Variants in SHANK2 observed in about 807,000 individuals in gnomAD.
SHANK2 encodes the protein SH3 and multiple ankyrin repeat domains protein 2.
In SHANK2, 43 loss-of-function variants were observed where a neutral mutation model predicts 133.7. The observed-to-expected ratio is 0.32, with a 90% CI of 0.25 to 0.41. The LOEUF (loss-of-function observed/expected upper bound fraction) is 0.41, where lower values mean the gene tolerates loss of function less well. Ranked by LOEUF, SHANK2 falls within the 10% of genes least tolerant of loss-of-function variation. SHANK2 has a pLI of 1.00. For missense variants in SHANK2, 1,994 were observed against 2,235.8 expected (o/e 0.89, Z 2.18); for synonymous variants, 1,017 against 952.8 (o/e 1.07, Z -1.24).
At chr11:71,059,083 G>A (rs1950956836) in intron 9 of SHANK2, among the ~76,000 whole-genome samples, 1 of 152,216 alleles carries the variant, frequency 6.6e-6, no homozygotes, top group Non-Finnish European at 1.5e-5. Context: ...TGGGTGCGGT[G>A]GCAGGTGCCT....
rs1555055739 is a variant in SHANK2, at chr11:70,820,645, C to T, written c.1212G>A (p.Arg404=). The change falls in exon 12 of 26, where the codon CGG becomes CGA. Residue 404 remains arginine, a synonymous_variant. Coordinates refer to ENST00000601538, the MANE Select transcript of SHANK2 (RefSeq NM_012309.5). ...FREAPAYSNR[R]RRPPNTLAAP... ...CGGCCAGCGTGTTGGGGGGCCGCCGCCGGCGGTTGGAGTACGCCGGGGCCT... is the reference window on the plus strand; with the variant it reads ...CGGCCAGCGTGTTGGGGGGCCGCCGTCGGCGGTTGGAGTACGCCGGGGCCT... 2 of 706,960 alleles carry T rather than the reference C, an allele frequency of 2.8e-6. No individual in the cohort carries two copies. Among genetic ancestry groups the T allele is most frequent in the South Asian group, 3.0e-5 (2 of 66,584 alleles). The allele number at this position is 706,960 out of a possible 1,614,324, so 43.8% of individuals were successfully genotyped here. A position where few individuals can be genotyped will look rare whatever the true frequency, so the allele number is the denominator to read the frequency against.
intron 14 of SHANK2, among the ~76,000 whole-genome samples, chr11:70,766,141 C>A (rs1947118312): frequency 6.6e-6 from 1 of 152,226 alleles, no homozygotes; most frequent in Non-Finnish European, 1.5e-5. Flanking sequence ...TTTTCTTGAA[C>A]CTTTCGCTCT....
intron 2 of SHANK2, among the ~76,000 whole-genome samples, chr11:71,181,345 C>T (rs1953551328): frequency 1.3e-5 from 2 of 152,210 alleles, no homozygotes; most frequent in South Asian, 4.2e-4. Context: ...TTAAGAATGG[C>T]AATGACAGCT....
rs73523874 is a variant in SHANK2 at position 70,641,017 on chromosome 11, A to G, written c.2061+18811T>C. On this transcript the variant is annotated intron_variant, in intron 17 of 25. Transcript: ENST00000601538. ...CTGCCTGGCATCCCTCCCTGATGAA[A>G]AATAACAATAGATCGTGTACAGAAT... is the stretch of plus-strand genomic sequence containing the variant. 3.0e-3 allele frequency among the ~76,000 whole-genome samples: 456 copies of G among 152,306 alleles called. 3 individuals carry two copies. The highest frequency in any genetic ancestry group is 0.011 in the African/African-American group (443 of 41,568).
At chr11:70,818,059 T>C (rs573903518) in intron 12 of SHANK2, among the ~76,000 whole-genome samples, 4 of 152,246 alleles carry the variant, frequency 2.6e-5, no homozygotes, top group East Asian at 3.9e-4. Context: ...TGACAAAGAT[T>C]AGGCAGATTG....
intron 14 of SHANK2, among the ~76,000 whole-genome samples, chr11:70,719,532 G>A (rs1294412813): frequency 6.6e-6 from 1 of 152,126 alleles, no homozygotes; most frequent in East Asian, 1.9e-4. Context: ...GTGGAGGGGT[G>A]CAGAACCCTG....
At chr11:70,713,510 C>T (rs781938288) in intron 14 of SHANK2, among the ~76,000 whole-genome samples, 3 of 152,178 alleles carry the variant, frequency 2.0e-5, no homozygotes, top group African/African-American at 4.8e-5. Context: ...ATGTACGGAG[C>T]CGAGGGGGAG....
chr11:70,579,692 G>C (rs1554984979), intron 17 of SHANK2, among the ~76,000 whole-genome samples: 1 of 152,240 alleles, frequency 6.6e-6, no homozygotes, highest in Non-Finnish European at 1.5e-5. Flanking sequence ...AGCCACGGCT[G>C]CAAGATGTCT....
At chr11:70,811,382 C>T (rs1436322884) in intron 12 of SHANK2, among the ~76,000 whole-genome samples, 4 of 152,188 alleles carry the variant, frequency 2.6e-5, no homozygotes, top group African/African-American at 9.6e-5. Context: ...CCCCACTGTG[C>T]ATCCTCAACA....
At chr11:70,695,511 TACC>T (rs1482397752) in intron 15 of SHANK2, among the ~76,000 whole-genome samples, 1 of 152,194 alleles carries the variant, frequency 6.6e-6, no homozygotes, top group Non-Finnish European at 1.5e-5. Flanking sequence ...TGCTGACTGT[TACC>T]ACAAGAAACA....
At chr11:71,073,142 C>CTTTTATTTTTTTTTTTTTTTT (rs1951165821) in intron 9 of SHANK2, among the ~76,000 whole-genome samples, 1 of 41,092 alleles carries the variant, frequency 2.4e-5, no homozygotes, top group Non-Finnish European at 9.0e-5. Flanking sequence ...TTTTCTTTTT[C>CTTTTATTTTTTTTTTTTTTTT]TTTTCTTTTT....
chr11:70,584,002 G>A (rs1250877410), intron 17 of SHANK2, among the ~76,000 whole-genome samples: 3 of 152,084 alleles, frequency 2.0e-5, no homozygotes, highest in South Asian at 2.1e-4. Flanking sequence ...CCTGACCACC[G>A]TGCATGACTC....
At chr11:70,545,474 G>A (rs933947950) in intron 17 of SHANK2, among the ~76,000 whole-genome samples, 18 of 152,070 alleles carry the variant, frequency 1.2e-4, no homozygotes, top group African/African-American at 4.3e-4. Flanking sequence ...GCCCACCTCA[G>A]CGCCCACTGC....
Position 70,659,888 on chromosome 11 carries a change from G to A in SHANK2, c.2001C>T (p.Ser667=), listed in dbSNP as rs199845489. 1.2e-4 allele frequency: 191 copies of A among 1,614,134 alleles called. No individual in the cohort carries two copies. The highest frequency in any genetic ancestry group is 1.5e-4 in the Non-Finnish European group (176 of 1,180,026). ...PAFPALQYLE[S]VDEGGVAWQA... The stretch of plus-strand genomic sequence containing the variant: ...GCCACGCCACCCCACCTTCATCCAC[G>A]GACTCCAGGTACTGTAGGGCTGGGA... Residue 667 remains serine (S), a synonymous_variant, in exon 17 of 26, where the codon TCC becomes TCT. Transcript: ENST00000601538.
intron 2 of SHANK2, among the ~76,000 whole-genome samples, chr11:71,163,749 T>TGA (rs1331133305): frequency 7.2e-5 from 11 of 152,216 alleles, no homozygotes; most frequent in Admixed American, 6.5e-4. Context: ...GATTGCAGTG[T>TGA]GAGCTCTTAG....
At chr11:70,912,739 C>A (rs1950214302) in intron 10 of SHANK2, among the ~76,000 whole-genome samples, 1 of 152,196 alleles carries the variant, frequency 6.6e-6, no homozygotes, top group Non-Finnish European at 1.5e-5. Context: ...CCCAGACTTC[C>A]TTCAAAACCA....
intron 17 of SHANK2, among the ~76,000 whole-genome samples, chr11:70,608,541 C>T (rs1218731775): frequency 1.3e-5 from 2 of 152,170 alleles, no homozygotes; most frequent in Non-Finnish European, 2.9e-5. Flanking sequence ...AAAATGGGGT[C>T]ATGTAAAGGC....
chr11:70,740,005 C>G (rs1456000647), intron 14 of SHANK2, among the ~76,000 whole-genome samples: 2 of 152,250 alleles, frequency 1.3e-5, no homozygotes, highest in Admixed American at 6.5e-5. Flanking sequence ...CGACCCAGAC[C>G]AGGGGCCCGG....
intron 17 of SHANK2, among the ~76,000 whole-genome samples, chr11:70,585,230 G>T (rs1166531016): frequency 2.6e-5 from 4 of 152,370 alleles, no homozygotes; most frequent in East Asian, 3.9e-4. Flanking sequence ...TGGCTGGCAG[G>T]GGCTAAAGCC....
Sources: gnomAD v4.1 joint callset for allele counts (sites outside exome capture counted in the v4.1 genomes callset) on GRCh38, gnomAD v4.1.1 for gene constraint, MANE v1.5 for transcripts, NCBI Gene and HGNC (gene_info 2026-07-23, HGNC 2026-07-21) for gene names.